The following PHKA2 variants were observed in gnomAD, a reference collection of about 807,000 sequenced individuals.
PHKA2 encodes phosphorylase b kinase regulatory subunit alpha, liver isoform.
A neutral mutation model predicts 102.0 loss-of-function variants in PHKA2; 31 were observed. The ratio of observed to expected loss-of-function variants is 0.30; its 90% CI spans 0.23 to 0.41. The LOEUF is 0.41. Among genes scored for constraint, PHKA2 ranks in the 10% least tolerant of loss-of-function variants. The pLI is 1.00. For synonymous variants in PHKA2, 455 were observed against 416.2 expected, an observed-to-expected ratio of 1.09 and a Z score of -1.13; for missense variants, 858 against 1,023.1, an observed-to-expected ratio of 0.84 and a Z score of 2.20.
chrX:18,916,609 T>C (rs2048023815), intron 19 of PHKA2, among the ~76,000 whole-genome samples: 1 of 111,679 alleles, frequency 9.0e-6, no homozygotes, highest in African/African-American at 3.3e-5. Context: ...GAGCTCTCAC[T>C]CTGAGTTCAC....
At chrX:18,974,071 C>T (rs1486721612) in intron 1 of PHKA2, among the ~76,000 whole-genome samples, 2 of 110,656 alleles carry the variant, frequency 1.8e-5, no homozygotes, top group East Asian at 5.7e-4. Flanking sequence ...TGGATGTGCT[C>T]CTCTCTAAGG....
chrX:18,982,659 C>T (rs1467182453), intron 1 of PHKA2, among the ~76,000 whole-genome samples: 1 of 111,416 alleles, frequency 9.0e-6, no homozygotes, highest in African/African-American at 3.3e-5. Flanking sequence ...CGCAGTGAAA[C>T]CCCGTCACTA....
At chrX:18,955,268 T>C (rs1278918782) in intron 1 of PHKA2, among the ~76,000 whole-genome samples, 1 of 111,911 alleles carries the variant, frequency 8.9e-6, no homozygotes, top group African/African-American at 3.3e-5. Flanking sequence ...GTGATTCCAT[T>C]TGTATGAAAA....
At chrX:18,934,946 C>T (rs1358374286) in intron 11 of PHKA2, among the ~76,000 whole-genome samples, 1 of 112,538 alleles carries the variant, frequency 8.9e-6, no homozygotes, top group Non-Finnish European at 1.9e-5. Context: ...CTGAGGCAGA[C>T]ACTTTAAAAG....
chrX:18,956,261 T>A (rs1428276470), intron 1 of PHKA2, among the ~76,000 whole-genome samples: 1 of 111,769 alleles, frequency 8.9e-6, no homozygotes, highest in Non-Finnish European at 1.9e-5. Context: ...GAGGCAGAGA[T>A]TGCAGTGAGC....
chrX:18,974,862 G>A (rs970016689), intron 1 of PHKA2, among the ~76,000 whole-genome samples: 4 of 111,519 alleles, frequency 3.6e-5, no homozygotes, highest in African/African-American at 1.3e-4. Flanking sequence ...ACTGACCCTT[G>A]GCTGCTTTTC....
rs879137819 is a variant in PHKA2 at position 18,892,743 on chromosome X, CTTTTTTTTT to C, written c.*733_*741del. 1.1e-5 allele frequency: 1 copy of C among 94,120 alleles called. No homozygotes were observed. Among genetic ancestry groups the C allele is most frequent in the African/African-American group, 3.8e-5 (1 of 26,006 alleles). The allele number at this position is 94,120 out of a possible 1,213,427, so 7.8% of individuals were successfully genotyped here. Reference sequence around the variant, plus strand: ...TGCCTGGCTATAAGAGGAGCCTTGTCTTTTTTTTTTTTTTTTTCTAGATTCCAGAAGATG... The same window carrying C: ...TGCCTGGCTATAAGAGGAGCCTTGTCTTTTTTTTCTAGATTCCAGAAGATG... On this transcript the variant is annotated 3_prime_UTR_variant, in exon 33 of 33. Transcript: ENST00000379942.
rs753889066 is a variant in PHKA2, at chrX:18,957,740, A to T, written c.79-3328T>A. Among the ~76,000 whole-genome samples, 93 of 97,431 alleles carry T rather than the reference A, an allele frequency of 9.5e-4. 1 individual carries two copies. The highest frequency in any genetic ancestry group is 2.6e-3 in the African/African-American group (62 of 23,417). The allele number at this position is 97,431 out of a possible 115,157, so 84.6% of individuals were successfully genotyped here. On this transcript the variant is annotated intron_variant, in intron 1 of 32. Coordinates refer to ENST00000379942, the MANE Select transcript of PHKA2 (RefSeq NM_000292.3). ...TCCTATGTGTTACTAAAACCAGATT[A>T]TATATATATATATATATATAATTGT...
intron 8 of PHKA2, among the ~76,000 whole-genome samples, chrX:18,940,816 A>T (rs2048478565): frequency 9.0e-6 from 1 of 111,131 alleles, no homozygotes; most frequent in South Asian, 3.8e-4. Context: ...TGAGCCTAGA[A>T]CCCGCTCTTC....
At position 18,920,181 on chromosome X, in the gene PHKA2, G is replaced by A. The variant is rs181796565; in HGVS notation, c.1814C>T (p.Ser605Leu). 9 of 1,053,802 alleles carry A rather than the reference G, an allele frequency of 8.5e-6. No individual in the cohort carries two copies. Among genetic ancestry groups the A allele is most frequent in the East Asian group, 6.1e-5 (2 of 33,032 alleles). 86.8% of individuals were successfully genotyped at this position (1,053,802 alleles called of 1,213,427 possible). The change falls in exon 18 of 33, where the codon TCG (serine) becomes TTG (leucine). Residue 605 changes from serine (S) to leucine (L), a missense_variant. Coordinates refer to ENST00000379942, the MANE Select transcript of PHKA2 (RefSeq NM_000292.3). ...GTAGAACGATGTGGTGAGAAATTCC[G>A]AAAGGTTCCCTAATTTTACTCTGCC... Reference protein sequence around the residue: ...GGARVKLGNLSEFLTTSFYTY... With the variant: ...GGARVKLGNLLEFLTTSFYTY...
chrX:18,893,583 C>A lies in PHKA2; in HGVS notation c.3610G>T (p.Ala1204Ser), dbSNP rs748453047. The change falls in exon 33 of 33, where the codon GCT becomes TCT. Residue 1204 changes from alanine (A) to serine (S), a missense_variant. Transcript: ENST00000379942. The part of the protein sequence containing the change: ...TGICHFFYDS[A>S]PSGAYGTMTY... ...ATCGTCCCATAAGCCCCACTCGGAGCGCTGTCATAAAAGAAGTGGCAGATT... is the reference window on the plus strand; with the variant it reads ...ATCGTCCCATAAGCCCCACTCGGAGAGCTGTCATAAAAGAAGTGGCAGATT... The A allele has an allele frequency of 8.3e-7, 1 of 1,211,239 alleles. No homozygotes were observed.
At position 18,954,278 on chromosome X, in the gene PHKA2, C is replaced by T. The variant is rs1365525700; in HGVS notation, c.213G>A (p.Lys71=). 3 of 1,212,154 alleles carry T rather than the reference C, an allele frequency of 2.5e-6. No homozygotes were observed. The highest frequency in any genetic ancestry group is 2.2e-5 in the Admixed American group (1 of 46,100). The change falls in exon 2 of 33, where the codon AAG becomes AAA. Residue 71 remains lysine (K), a synonymous_variant. Transcript: ENST00000379942. ...CCTGCTCCAGCTCGTAGGCCTTGGC[C>T]TTGTCCTCATCGCGGTCTGCATTCT... ...YRKNADRDED[K]AKAYELEQNV...
chrX:18,910,763 T>C (rs763886945), intron 20 of PHKA2, 109 bp downstream of exon 20: 10 of 489,201 alleles, frequency 2.0e-5, no homozygotes, highest in Non-Finnish European at 3.4e-5. Flanking sequence ...GTCCCTGATA[T>C]CGAGAAATAT....
At chrX:18,917,900 T>C (rs1249498371) in intron 19 of PHKA2, among the ~76,000 whole-genome samples, 3 of 109,215 alleles carry the variant, frequency 2.7e-5, no homozygotes, top group Non-Finnish European at 5.7e-5. Flanking sequence ...GTCACCACCA[T>C]GCCCTCTTCC....
chrX:18,893,406 C>T lies in PHKA2; in HGVS notation c.*79G>A, dbSNP rs1023029634. On this transcript the variant is annotated 3_prime_UTR_variant, in exon 33 of 33. Coordinates refer to ENST00000379942, the MANE Select transcript of PHKA2 (RefSeq NM_000292.3). Reference sequence around the variant, plus strand: ...ATGCTTTCCTGATAGCACAGGGGATCTTGGGGGACAGAAGGTTCCCAGTAA... The same window carrying T: ...ATGCTTTCCTGATAGCACAGGGGATTTTGGGGGACAGAAGGTTCCCAGTAA... 1.3e-5 allele frequency: 13 copies of T among 1,005,035 alleles called. No individual in the cohort carries two copies. Among genetic ancestry groups the T allele is most frequent in the African/African-American group, 3.8e-5 (2 of 52,533 alleles). The allele number at this position is 1,005,035 out of a possible 1,213,427, so 82.8% of individuals were successfully genotyped here.
At position 18,918,733 on chromosome X, in the gene PHKA2, G is replaced by T; in HGVS notation, c.2085C>A (p.Ser695=). The part of the protein sequence containing the change: ...EDRHVFSAIH[S]TRDILSVMAK... ...CCATCACAGAAAGTATGTCCCGCGT[G>T]GAGTGGATAGCACTGAAGACATGGC... Residue 695 remains serine, a synonymous_variant, in exon 19 of 33, where the codon TCC becomes TCA. Coordinates refer to ENST00000379942, the MANE Select transcript of PHKA2 (RefSeq NM_000292.3). 1 of 1,210,381 alleles carries T rather than the reference G, an allele frequency of 8.3e-7. No homozygotes were observed. Among genetic ancestry groups the T allele is most frequent in the African/African-American group, 1.7e-5 (1 of 57,856 alleles).
At position 18,907,883 on chromosome X, in the gene PHKA2, T is replaced by C. The variant is rs1202124813; in HGVS notation, c.2517+17A>G. 1 of 1,207,519 alleles carries C rather than the reference T, an allele frequency of 8.3e-7. No homozygotes were observed. Among genetic ancestry groups the C allele is most frequent in the Non-Finnish European group, 1.1e-6 (1 of 893,588 alleles). ...AGCTAGTGAGCACACATGGGCAGCC[T>C]GCACAGTCGCACTGACCTCAGCCAG... On this transcript the variant is annotated intron_variant, in intron 22 of 32. Transcript: ENST00000379942.
intron 22 of PHKA2, among the ~76,000 whole-genome samples, chrX:18,907,524 G>A (rs1435735679): frequency 1.1e-4 from 12 of 111,885 alleles, no homozygotes; most frequent in Admixed American, 4.7e-4. Flanking sequence ...TCATGACACT[G>A]AACTCGAGTG....
chrX:18,904,258 C>T (rs1245509726), intron 26 of PHKA2, among the ~76,000 whole-genome samples: 1 of 111,941 alleles, frequency 8.9e-6, no homozygotes, highest in Non-Finnish European at 1.9e-5. Flanking sequence ...ACAAGAGGGG[C>T]TGTCTGGGGT....
Sources: allele counts gnomAD v4.1 joint callset (sites outside exome capture counted in the v4.1 genomes callset), GRCh38; gene constraint gnomAD v4.1.1; transcripts MANE v1.5; gene names NCBI Gene and HGNC (gene_info 2026-07-23, HGNC 2026-07-21).